The following SNCAIP variants were observed in gnomAD, a reference collection of about 807,000 sequenced individuals.
The protein encoded by SNCAIP is synuclein alpha interacting protein, also known as synphilin-1.
Under a neutral mutation model 86.7 loss-of-function variants are expected in SNCAIP, and 43 were observed. The ratio of observed to expected loss-of-function variants is 0.50; its 90% CI spans 0.39 to 0.64. The LOEUF (loss-of-function observed/expected upper bound fraction) is 0.64, where lower values mean the gene tolerates loss of function less well. SNCAIP is among the 30% of genes least tolerant of loss of function. SNCAIP has a pLI of 0.00. For synonymous variants in SNCAIP, 417 were observed against 427.2 expected (o/e 0.98, Z 0.29); for missense variants, 981 against 1,103.1 (o/e 0.89, Z 1.57).
intron 9 of SNCAIP, among the ~76,000 whole-genome samples, chr5:122,450,179 G>A (rs1271765630): frequency 6.6e-6 from 1 of 152,074 alleles, no homozygotes; most frequent in Non-Finnish European, 1.5e-5. Flanking sequence ...TTACTCTTTT[G>A]TAAGAATTGA....
At chr5:122,330,332 G>A (rs1388587333) in intron 1 of SNCAIP, among the ~76,000 whole-genome samples, 1 of 151,672 alleles carries the variant, frequency 6.6e-6, no homozygotes, top group Admixed American at 6.6e-5. Context: ...CGTTTTAGCC[G>A]GGATGGTCTC....
At chr5:122,376,782 CA>C (rs1221494491) in intron 1 of SNCAIP, among the ~76,000 whole-genome samples, 2 of 152,122 alleles carry the variant, frequency 1.3e-5, no homozygotes, top group African/African-American at 4.8e-5. Context: ...TAGGGAAATT[CA>C]ACAGAGATGG....
At chr5:122,407,353 G>GA (rs1773222803) in intron 3 of SNCAIP, among the ~76,000 whole-genome samples, 1 of 152,276 alleles carries the variant, frequency 6.6e-6, no homozygotes, top group Non-Finnish European at 1.5e-5. Context: ...GTATGAGGAA[G>GA]AAAAAACCAG....
chr5:122,441,466 G>A (rs1780902070), intron 7 of SNCAIP, among the ~76,000 whole-genome samples: 1 of 152,216 alleles, frequency 6.6e-6, no homozygotes, highest in African/African-American at 2.4e-5. Flanking sequence ...GGGGAGCTGA[G>A]CCACAGGAGA....
At position 122,392,418 on chromosome 5, in the gene SNCAIP, C is replaced by G. The variant is rs1226144496; in HGVS notation, c.57+1227C>G. On this transcript the variant is annotated intron_variant, in intron 2 of 10. Coordinates refer to ENST00000261368, the MANE Select transcript of SNCAIP (RefSeq NM_005460.4). ...TCTGCCACTCTCTCTCTCTCTCTCT[C>G]TTTCTGTTTCTCTTTCTCTCTCTAA... Among the ~76,000 whole-genome samples the G allele has an allele frequency of 2.6e-5, 4 of 152,056 alleles. No homozygotes were observed. The East Asian group carries it at 5.8e-4, about 22-fold the overall frequency.
chr5:122,422,887 T>A lies in SNCAIP; in HGVS notation c.150T>A (p.Asn50Lys), dbSNP rs764673172. Reference protein sequence around the residue: ...EDRSVSSSSWNCGISTLITNT... With the variant: ...EDRSVSSSSWKCGISTLITNT... ...AAACAGTTTCTAGCTCTAGCTGGAA[T>A]TGTGGCATCTCAACTCTTATTACAA... The change falls in exon 4 of 11, where the codon AAT becomes AAA. Residue 50 changes from asparagine (N) to lysine (K), a missense_variant. Coordinates refer to ENST00000261368, the MANE Select transcript of SNCAIP (RefSeq NM_005460.4). 3.1e-6 allele frequency: 5 copies of A among 1,613,880 alleles called. No individual in the cohort carries two copies. In the Admixed American group the frequency reaches 5.0e-5, roughly 16 times the overall value.
intron 10 of SNCAIP, among the ~76,000 whole-genome samples, chr5:122,462,721 G>A (rs750553393): frequency 2.6e-5 from 4 of 152,174 alleles, no homozygotes; most frequent in African/African-American, 7.2e-5. Flanking sequence ...ATAATAGCTA[G>A]TATCATTACC....
chr5:122,413,568 A>C (rs1289130819), intron 3 of SNCAIP, among the ~76,000 whole-genome samples: 1 of 152,194 alleles, frequency 6.6e-6, no homozygotes, highest in South Asian at 2.1e-4. Context: ...TCTGAGCAGG[A>C]TTATATCTAT....
At chr5:122,442,894 T>C (rs1781372037) in intron 7 of SNCAIP, among the ~76,000 whole-genome samples, 1 of 151,166 alleles carries the variant, frequency 6.6e-6, no homozygotes, top group Non-Finnish European at 1.5e-5. Context: ...ATCTGTCCAC[T>C]GGGTGTGAAA....
At chr5:122,338,860 T>C (rs557048811) in intron 1 of SNCAIP, among the ~76,000 whole-genome samples, 6 of 152,334 alleles carry the variant, frequency 3.9e-5, no homozygotes, top group Non-Finnish European at 8.8e-5. Flanking sequence ...AGTATAGGGC[T>C]GTAATTAATA....
At chr5:122,394,109 A>G (rs1278114212) in intron 2 of SNCAIP, among the ~76,000 whole-genome samples, 1 of 152,038 alleles carries the variant, frequency 6.6e-6, no homozygotes, top group Non-Finnish European at 1.5e-5. Context: ...TTGATACCAG[A>G]AACCTCCATC....
chr5:122,392,279 C>T (rs1769542535), intron 2 of SNCAIP, among the ~76,000 whole-genome samples: 2 of 151,750 alleles, frequency 1.3e-5, no homozygotes, highest in Non-Finnish European at 2.9e-5. Flanking sequence ...AATGTGAATT[C>T]AACATTTGCC....
intron 1 of SNCAIP, among the ~76,000 whole-genome samples, chr5:122,380,991 G>A (rs1234091840): frequency 6.9e-6 from 1 of 145,656 alleles, no homozygotes; most frequent in African/African-American, 2.7e-5. Flanking sequence ...TAGGTGTGTT[G>A]TGGTGCTGAA....
In SNCAIP at chr5:122,450,810, A is replaced by T. The variant is rs748111927; in HGVS notation, c.1963A>T (p.Ile655Phe). 4 of 1,614,036 alleles carry T rather than the reference A, an allele frequency of 2.5e-6. No individual in the cohort carries two copies. Among genetic ancestry groups the T allele is most frequent in the South Asian group, 1.1e-5 (1 of 91,084 alleles). Residue 655 changes from isoleucine to phenylalanine, a missense_variant, in exon 10 of 11, where the codon ATC becomes TTC. Physicochemically the swap from Ile to Phe is conservative, Grantham distance 21. Transcript: ENST00000261368. ...GGCTTCCTCTAGAAATTCTAAAAAG[A>T]TCCCACTGGAGAAGAGGGAACTGAA... ...AQASSRNSKK[I>F]PLEKRELKLA...
intron 3 of SNCAIP, among the ~76,000 whole-genome samples, chr5:122,412,846 G>A (rs1390505598): frequency 6.6e-6 from 1 of 152,192 alleles, no homozygotes; most frequent in Non-Finnish European, 1.5e-5. Flanking sequence ...ATCTCATCAG[G>A]CGCTGAAGCC....
intron 6 of SNCAIP, among the ~76,000 whole-genome samples, chr5:122,432,448 C>CACA (rs1338628430): frequency 3.3e-5 from 5 of 152,064 alleles, no homozygotes; most frequent in African/African-American, 1.2e-4. Flanking sequence ...AAAATTATGT[C>CACA]ACAACATGTT....
intron 10 of SNCAIP, chr5:122,454,276 C>T (rs1465232092): frequency 6.6e-6 from 1 of 152,560 alleles, no homozygotes; most frequent in Non-Finnish European, 1.5e-5. Context: ...CAAATTTAAT[C>T]TGCTCTAAGT....
In SNCAIP at chr5:122,341,665, G is replaced by A. The variant is rs147705311; in HGVS notation, c.-47+29381G>A. On this transcript the variant is annotated intron_variant, in intron 1 of 10. Coordinates refer to ENST00000261368, the MANE Select transcript of SNCAIP (RefSeq NM_005460.4). ...GGAAAACAGTATGATTTTCCATGCC[G>A]CCCTTCACTGGCCCCTTCAGTGCCT... Among the ~76,000 whole-genome samples, 872 of 152,168 alleles carry A rather than the reference G, an allele frequency of 5.7e-3. 9 individuals are homozygous for A. The highest frequency in any genetic ancestry group is 0.02 in the African/African-American group (834 of 41,506).
At chr5:122,444,533 C>T in intron 7 of SNCAIP, 30 bp from the exon 8 acceptor site, 1 of 1,593,586 alleles carries the variant, frequency 6.3e-7, no homozygotes, top group Non-Finnish European at 8.6e-7. Context: ...CAGAGATGTC[C>T]TGATACACAT....
Sources: allele counts gnomAD v4.1 joint callset (sites outside exome capture counted in the v4.1 genomes callset), GRCh38; gene constraint gnomAD v4.1.1; transcripts MANE v1.5; gene names NCBI Gene and HGNC (gene_info 2026-07-23, HGNC 2026-07-21).